The following DOK7 variants were observed in gnomAD, a reference collection of about 807,000 sequenced individuals.
DOK7 encodes the protein docking protein 7.
DOK7 carries 32 observed loss-of-function variants against 30.7 expected under a neutral mutation model. The observed-to-expected ratio is 1.04, with a 90% confidence interval of 0.79 to 1.40. DOK7 has a LOEUF of 1.40. DOK7 is among the 40% of genes most tolerant of loss of function. The pLI is 0.00. For missense variants in DOK7, 1,007 were observed against 699.2 expected (o/e 1.44, Z -4.97); for synonymous variants, 447 against 324.1 (o/e 1.38, Z -4.07).
chr4:3,488,749 T>C (rs1490315926), intron 5 of DOK7, among the ~76,000 whole-genome samples: 1 of 152,208 alleles, frequency 6.6e-6, no homozygotes, highest in South Asian at 2.1e-4. Flanking sequence ...AGGAGGCCAC[T>C]TGGAGCAGGA....
Position 3,489,883 on chromosome 4 carries a change from C to T in DOK7, c.772+87C>T, listed in dbSNP as rs568835539. 6.9e-4 allele frequency: 1,045 copies of T among 1,513,220 alleles called. 5 individuals carry two copies. Among genetic ancestry groups the T allele is most frequent in the South Asian group, 2.9e-3 (240 of 81,936 alleles). 93.7% of individuals were successfully genotyped at this position (1,513,220 alleles called of 1,614,324 possible). On this transcript the variant is annotated intron_variant, in intron 6 of 6. Transcript: ENST00000340083. Reference sequence around the variant, plus strand: ...GGAGGCATCCATGCATGTGTGGGGGCTGCAGGCTCCCTCTGCTCATTCATT... The same window carrying T: ...GGAGGCATCCATGCATGTGTGGGGGTTGCAGGCTCCCTCTGCTCATTCATT...
intron 2 of DOK7, among the ~76,000 whole-genome samples, chr4:3,469,006 G>A (rs1051715574): frequency 3.3e-5 from 5 of 149,376 alleles, no homozygotes; most frequent in South Asian, 2.1e-4. Flanking sequence ...GTGAGTGTGC[G>A]TGTATGAGTG....
intron 3 of DOK7, among the ~76,000 whole-genome samples, chr4:3,474,017 C>T (rs566535409): frequency 5.9e-4 from 90 of 152,184 alleles, no homozygotes; most frequent in African/African-American, 1.9e-3. Flanking sequence ...CCCCAGCTTC[C>T]CCCCAAAACA....
At chr4:3,467,667 TGTGA>T (rs1726384483) in intron 2 of DOK7, among the ~76,000 whole-genome samples, 2 of 152,164 alleles carry the variant, frequency 1.3e-5, no homozygotes, top group African/African-American at 2.4e-5. Flanking sequence ...AGAGTGAATG[TGTGA>T]GTGTGGGCTT....
intron 4 of DOK7, among the ~76,000 whole-genome samples, chr4:3,480,145 G>A (rs1727353682): frequency 1.3e-5 from 2 of 152,228 alleles, no homozygotes; most frequent in South Asian, 2.1e-4. Flanking sequence ...GGCGCAGGGG[G>A]ACGTTTGAGC....
At chr4:3,467,673 T>C (rs930215165) in intron 2 of DOK7, among the ~76,000 whole-genome samples, 1 of 152,152 alleles carries the variant, frequency 6.6e-6, no homozygotes, top group Non-Finnish European at 1.5e-5. Flanking sequence ...AATGTGTGAG[T>C]GTGGGCTTGT....
At chr4:3,496,815 T>C (rs1024743021), downstream of DOK7, 3 of 1,535,132 alleles carry the variant, frequency 2.0e-6, no homozygotes, top group African/African-American at 1.4e-5. Flanking sequence ...TTCTCTTTGG[T>C]CTAGGGAGCG....
rs770653049 is a variant in DOK7 at position 3,473,519 on chromosome 4, G to A, written c.214G>A (p.Glu72Lys). Residue 72 changes from glutamate (E) to lysine (K), a missense_variant, in exon 3 of 7, where the codon GAG becomes AAG. Coordinates refer to ENST00000340083, the MANE Select transcript of DOK7 (RefSeq NM_173660.5). Reference protein sequence around the residue: ...ICGLEPGLPYEGLVHTLAIVC... With the variant: ...ICGLEPGLPYKGLVHTLAIVC... ...CGGGCTGGAGCCCGGCCTGCCCTAC[G>A]AGGGCCTGGTCCACACGCTGGCCAT... The A allele has an allele frequency of 1.0e-4, 167 of 1,611,018 alleles. No homozygotes were observed. The highest frequency in any genetic ancestry group is 1.3e-4 in the Non-Finnish European group (154 of 1,179,786).
Position 3,473,470 on chromosome 4 carries a change from C to T in DOK7, c.165C>T (p.Ser55=). 1 of 1,611,138 alleles carries T rather than the reference C, an allele frequency of 6.2e-7. No homozygotes were observed. Among genetic ancestry groups the T allele is most frequent in the South Asian group, 1.1e-5 (1 of 91,000 alleles). ...SERIKGLRER[S]SLTLEDICGL... ...GTATCAAGGGCCTGCGGGAGCGCAGCAGCCTGACGCTAGAGGACATCTGCG... is the reference window on the plus strand; with the variant it reads ...GTATCAAGGGCCTGCGGGAGCGCAGTAGCCTGACGCTAGAGGACATCTGCG... Residue 55 remains serine, a synonymous_variant, in exon 3 of 7, where the codon AGC becomes AGT. Coordinates refer to ENST00000340083, the MANE Select transcript of DOK7 (RefSeq NM_173660.5).
At chr4:3,466,560 C>T (rs1161670533) in intron 2 of DOK7, among the ~76,000 whole-genome samples, 4 of 152,198 alleles carry the variant, frequency 2.6e-5, no homozygotes, top group Non-Finnish European at 5.9e-5. Context: ...GGCTGAAGAC[C>T]GGGCGTGGGT....
intron 6 of DOK7, among the ~76,000 whole-genome samples, chr4:3,490,276 CACCTTGCTCATTCATTTCTTCCTCCG>C (rs1728184601): frequency 2.4e-5 from 3 of 123,962 alleles, no homozygotes; most frequent in Non-Finnish European, 3.4e-5. Flanking sequence ...CTTCCTTCCC[CACCTTGCTCATTCATTTCTTCCTCCG>C]CCCCCCCGGC....
downstream of DOK7, among the ~76,000 whole-genome samples, chr4:3,495,581 T>C (rs1435345705): frequency 6.6e-6 from 1 of 152,236 alleles, no homozygotes; most frequent in African/African-American, 2.4e-5. Flanking sequence ...CACCGCCTGC[T>C]ACGGCAGCCC....
Position 3,494,444 on chromosome 4 carries a change from CTG to C in DOK7, c.*945_*946del, listed in dbSNP as rs1307572902. On this transcript the variant is annotated 3_prime_UTR_variant, in exon 7 of 7. Transcript: ENST00000340083. ...TGTCAGCTGTTTCTAAACCCAGACA[CTG>C]TTTGTAATAGACTGGAAATAAAATG... The C allele has an allele frequency of 3.0e-6, 3 of 985,458 alleles. No homozygotes were observed. The Admixed American group carries it at 1.8e-4, about 61-fold the overall frequency. 61.0% of individuals were successfully genotyped at this position (985,458 alleles called of 1,614,324 possible). A position where few individuals can be genotyped will look rare whatever the true frequency, so the allele number is the denominator to read the frequency against.
chr4:3,496,715 C>A, downstream of DOK7: 1 of 1,309,584 alleles, frequency 7.6e-7, no homozygotes, highest in Non-Finnish European at 1.0e-6. Flanking sequence ...GGTCCCCCAG[C>A]CTGTGTCACT....
chr4:3,500,237 C>T lies in DOK7; in HGVS notation c.1109-14C>T, dbSNP rs574295832. On this transcript the variant is annotated splice_polypyrimidine_tract_variant and intron_variant, in intron 6 of 7. Transcript: ENST00000643608. ...TCGGTCCCCACCGGGGCTTCACAGC[C>T]GCTCCCCCCACAGGATCCCCAGGAC... 1.6e-4 allele frequency: 247 copies of T among 1,534,290 alleles called. 1 individual carries two copies. The highest frequency in any genetic ancestry group is 1.4e-3 in the African/African-American group (101 of 73,078).
chr4:3,500,227 G>A, intron 6 of DOK7: 1 of 1,533,888 alleles, frequency 6.5e-7, no homozygotes, highest in African/African-American at 1.4e-5. Context: ...CCCCACCGGG[G>A]CTTCACAGCC....
rs755112448 is a variant in DOK7, at chr4:3,485,588, C to G, written c.582C>G (p.Phe194Leu). Reference sequence around the variant, plus strand: ...CGGCCGAGGGGGAGCAGATCAGCTTCCTGTTCGACTGCATCGTCCGAGGCA... The same window carrying G: ...CGGCCGAGGGGGAGCAGATCAGCTTGCTGTTCGACTGCATCGTCCGAGGCA... ...LSSAEGEQIS[F>L]LFDCIVRGIS... The change falls in exon 5 of 7, where the codon TTC becomes TTG. Residue 194 changes from phenylalanine to leucine, a missense_variant. Physicochemically the swap from Phe to Leu is conservative, Grantham distance 22. Transcript: ENST00000340083. The G allele has an allele frequency of 1.2e-6, 2 of 1,608,256 alleles. No homozygotes were observed. Among genetic ancestry groups the G allele is most frequent in the East Asian group, 2.2e-5 (1 of 44,448 alleles).
Position 3,476,525 on chromosome 4 carries a change from G to A in DOK7, c.515G>A (p.Gly172Glu). 1 of 1,613,920 alleles carries A rather than the reference G, an allele frequency of 6.2e-7. No homozygotes were observed. Among genetic ancestry groups the A allele is most frequent in the Non-Finnish European group, 8.5e-7 (1 of 1,180,040 alleles). ...CCAAGCGGATTCATCTTTGAAGGCG[G>A]GACCAGGTGTGGGTACTGTAAGTAC... ...AVPSGFIFEG[G>E]TRCGYWAGVF... Residue 172 changes from glycine (G) to glutamate (E), a missense_variant, in exon 4 of 7, where the codon GGG (glycine) becomes GAG (glutamate). By Grantham distance (98) the Gly-to-Glu change is moderately conservative (BLOSUM62 -2). Coordinates refer to ENST00000340083, the MANE Select transcript of DOK7 (RefSeq NM_173660.5).
In DOK7 at chr4:3,494,327, C is replaced by T. The variant is rs1385837977; in HGVS notation, c.*826C>T. 2 of 985,688 alleles carry T rather than the reference C, an allele frequency of 2.0e-6. No homozygotes were observed. The highest frequency in any genetic ancestry group is 1.7e-5 in the African/African-American group (1 of 57,262). 61.1% of individuals were successfully genotyped at this position (985,688 alleles called of 1,614,324 possible). Reference sequence around the variant, plus strand: ...GGTGGGGCTGTGTTGGGCCCATTGTCCCCCGCCCTGGGTGGCTTCCTCTTG... The same window carrying T: ...GGTGGGGCTGTGTTGGGCCCATTGTTCCCCGCCCTGGGTGGCTTCCTCTTG... On this transcript the variant is annotated 3_prime_UTR_variant, in exon 7 of 7. Coordinates refer to ENST00000340083, the MANE Select transcript of DOK7 (RefSeq NM_173660.5).
Sources: allele counts gnomAD v4.1 joint callset (sites outside exome capture counted in the v4.1 genomes callset), GRCh38; gene constraint gnomAD v4.1.1; transcripts MANE v1.5; gene names NCBI Gene and HGNC (gene_info 2026-07-23, HGNC 2026-07-21).